WIPF1: variants seen among roughly 807,000 people sequenced by gnomAD.
The protein encoded by WIPF1 is WAS/WASL-interacting protein family member 1.
In WIPF1, 13 loss-of-function variants were observed where a neutral mutation model predicts 35.4. The ratio of observed to expected loss-of-function variants is 0.37; its 90% CI spans 0.24 to 0.58. The LOEUF (loss-of-function observed/expected upper bound fraction) is 0.58. Among genes scored for constraint, WIPF1 ranks in the 20% least tolerant of loss-of-function variants. The pLI is 0.74. For missense variants in WIPF1, 591 were observed against 667.0 expected (o/e 0.89, Z 1.25); for synonymous variants, 267 against 266.3 (o/e 1.00, Z -0.02).
At chr2:174,582,167 A>C (rs1685262673) in intron 2 of WIPF1, among the ~76,000 whole-genome samples, 1 of 152,230 alleles carries the variant, frequency 6.6e-6, no homozygotes, top group South Asian at 2.1e-4. Flanking sequence ...ATTCTGATGA[A>C]AGCTTAGCTC....
At chr2:174,595,134 AT>A (rs1487925001) in intron 1 of WIPF1, among the ~76,000 whole-genome samples, 8 of 123,318 alleles carry the variant, frequency 6.5e-5, no homozygotes, top group African/African-American at 2.4e-4. Flanking sequence ...ATATATATAT[AT>A]ATATAATTAA....
intron 3 of WIPF1, among the ~76,000 whole-genome samples, chr2:174,580,876 T>TA (rs1184233847): frequency 2.0e-5 from 3 of 152,302 alleles, no homozygotes; most frequent in African/African-American, 7.2e-5. Flanking sequence ...GTGAGGTCAA[T>TA]AGAACATGTA....
intron 1 of WIPF1, among the ~76,000 whole-genome samples, chr2:174,645,180 T>A (rs936226512): frequency 4.6e-5 from 7 of 152,236 alleles, no homozygotes; most frequent in Non-Finnish European, 1.0e-4. Context: ...TTTAAAAAAA[T>A]CAATTTAGCT....
chr2:174,635,443 G>A (rs1319156850), intron 1 of WIPF1, among the ~76,000 whole-genome samples: 2 of 152,034 alleles, frequency 1.3e-5, no homozygotes, highest in African/African-American at 2.4e-5. Flanking sequence ...TAGAGAGGCT[G>A]GAGGAGAGCT....
At chr2:174,593,036 T>C (rs946490738) in intron 1 of WIPF1, among the ~76,000 whole-genome samples, 2 of 152,096 alleles carry the variant, frequency 1.3e-5, no homozygotes, top group African/African-American at 4.8e-5. Context: ...TTTTTTCTTT[T>C]ATATTGTAGA....
At chr2:174,635,529 G>GTTT (rs1197924942) in intron 1 of WIPF1, among the ~76,000 whole-genome samples, 141 of 115,504 alleles carry the variant, frequency 1.2e-3, no homozygotes, top group Non-Finnish European at 1.7e-3. Flanking sequence ...CCTTCTGTTT[G>GTTT]TTTTTTTTTT....
intron 1 of WIPF1, among the ~76,000 whole-genome samples, chr2:174,588,796 C>T (rs1685512525): frequency 6.6e-6 from 1 of 152,214 alleles, no homozygotes; most frequent in Admixed American, 6.5e-5. Flanking sequence ...CTGGCCACTT[C>T]AGATGGACAG....
intron 1 of WIPF1, among the ~76,000 whole-genome samples, chr2:174,589,737 T>C (rs1422003333): frequency 1.9e-5 from 1 of 51,660 alleles, no homozygotes; most frequent in Non-Finnish European, 4.0e-5. Context: ...CTTTCACCCA[T>C]AGTTTTCACG....
At chr2:174,588,515 A>C (rs1399325716) in intron 1 of WIPF1, among the ~76,000 whole-genome samples, 1 of 152,198 alleles carries the variant, frequency 6.6e-6, no homozygotes, top group Non-Finnish European at 1.5e-5. Context: ...CCACCCTGAA[A>C]GGCCTCCTTA....
At chr2:174,635,245 A>C (rs546259137) in intron 1 of WIPF1, among the ~76,000 whole-genome samples, 1 of 152,288 alleles carries the variant, frequency 6.6e-6, no homozygotes, top group South Asian at 2.1e-4. Context: ...ACTGGGAGAC[A>C]TTTCCCTCCT....
intron 1 of WIPF1, among the ~76,000 whole-genome samples, chr2:174,646,113 A>G (rs1489839188): frequency 6.6e-6 from 1 of 152,236 alleles, no homozygotes; most frequent in Non-Finnish European, 1.5e-5. Flanking sequence ...CAGCATGCGA[A>G]AAGTGTCAGG....
intron 1 of WIPF1, among the ~76,000 whole-genome samples, chr2:174,647,436 C>T (rs569502622): frequency 1.3e-5 from 2 of 151,614 alleles, no homozygotes; most frequent in African/African-American, 4.8e-5. Context: ...TGCAATGGCG[C>T]GATCTCAGCT....
intron 1 of WIPF1, among the ~76,000 whole-genome samples, chr2:174,650,808 G>C (rs1055908245): frequency 5.3e-5 from 8 of 152,222 alleles, no homozygotes; most frequent in Admixed American, 3.3e-4. Flanking sequence ...TGGGCAGTGA[G>C]GAATGCCCAG....
intron 1 of WIPF1, among the ~76,000 whole-genome samples, chr2:174,615,564 T>C (rs1353531846): frequency 6.6e-6 from 1 of 152,240 alleles, no homozygotes; most frequent in Non-Finnish European, 1.5e-5. Context: ...AAAAGCACTG[T>C]TTATGTTTGT....
upstream of WIPF1, among the ~76,000 whole-genome samples, chr2:174,602,517 T>C (rs1686041320): frequency 6.6e-6 from 1 of 152,246 alleles, no homozygotes; most frequent in African/African-American, 2.4e-5. Context: ...TACTGCAGAA[T>C]GACTCCTTAT....
chr2:174,582,028 G>A lies in WIPF1; in HGVS notation c.52-589C>T, dbSNP rs1282677222. ...ACACATAGTGAAATCACCCTTTTTA[G>A]TTACAGCTCTATGAGTTTTGACAAA... On this transcript the variant is annotated intron_variant, in intron 2 of 7. Coordinates refer to ENST00000679041, the MANE Select transcript of WIPF1 (RefSeq NM_001375834.1). Among the ~76,000 whole-genome samples, 3 of 151,978 alleles carry A rather than the reference G, an allele frequency of 2.0e-5. No homozygotes were observed. In the East Asian group the frequency reaches 5.8e-4, roughly 29 times the overall value.
At chr2:174,631,000 T>C (rs761663387) in intron 1 of WIPF1, among the ~76,000 whole-genome samples, 5 of 152,200 alleles carry the variant, frequency 3.3e-5, no homozygotes, top group Admixed American at 6.5e-5. Flanking sequence ...GATCTTATAA[T>C]ATGAGGTATC....
intron 1 of WIPF1, among the ~76,000 whole-genome samples, chr2:174,669,150 G>A (rs1448758471): frequency 6.6e-6 from 1 of 152,170 alleles, no homozygotes; most frequent in African/African-American, 2.4e-5. Flanking sequence ...ATTCATCCCT[G>A]ACTTCTGTGG....
intron 1 of WIPF1, among the ~76,000 whole-genome samples, chr2:174,662,966 AT>A (rs1177094068): frequency 6.6e-6 from 1 of 152,246 alleles, no homozygotes; most frequent in Non-Finnish European, 1.5e-5. Flanking sequence ...ACTTTACAAA[AT>A]TAACGTTTAA....
Sources: gnomAD v4.1 joint callset for allele counts (sites outside exome capture counted in the v4.1 genomes callset) on GRCh38, gnomAD v4.1.1 for gene constraint, MANE v1.5 for transcripts, NCBI Gene and HGNC (gene_info 2026-07-23, HGNC 2026-07-21) for gene names.